Variants in NKAIN2 observed in about 807,000 individuals in gnomAD.
NKAIN2 encodes the protein sodium/potassium-transporting ATPase subunit beta-1-interacting protein 2.
Under a neutral mutation model 32.6 loss-of-function variants are expected in NKAIN2, and 14 were observed. The observed-to-expected ratio is 0.43, with a 90% CI of 0.28 to 0.67. The LOEUF is 0.67. NKAIN2 is among the 30% of genes least tolerant of loss of function. NKAIN2 has a pLI of 0.17. For synonymous variants in NKAIN2, 80 were observed against 87.2 expected (o/e 0.92, Z 0.46); for missense variants, 198 against 258.3 (o/e 0.77, Z 1.60).
chr6:123,811,729 G>A (rs768032634), intron 1 of NKAIN2, among the ~76,000 whole-genome samples: 2 of 152,006 alleles, frequency 1.3e-5, no homozygotes, highest in East Asian at 3.9e-4. Flanking sequence ...CATCTAGTGA[G>A]CCCAGGAGTA....
chr6:124,297,642 G>T (rs1285509329), intron 2 of NKAIN2, among the ~76,000 whole-genome samples: 1 of 151,928 alleles, frequency 6.6e-6, no homozygotes, highest in Non-Finnish European at 1.5e-5. Flanking sequence ...GCTGGTGAAG[G>T]ATTCACATGC....
At chr6:124,145,001 C>G (rs966591503) in intron 1 of NKAIN2, among the ~76,000 whole-genome samples, 1 of 152,038 alleles carries the variant, frequency 6.6e-6, no homozygotes, top group Admixed American at 6.5e-5. Flanking sequence ...GACAATATTC[C>G]GATGTCAGAG....
intron 1 of NKAIN2, among the ~76,000 whole-genome samples, chr6:123,817,138 T>C (rs891668413): frequency 6.6e-6 from 1 of 151,980 alleles, no homozygotes; most frequent in African/African-American, 2.4e-5. Context: ...TTTGGAGGAA[T>C]AGAAATGTTT....
At chr6:124,231,639 G>A (rs1442511759) in intron 1 of NKAIN2, among the ~76,000 whole-genome samples, 1 of 152,042 alleles carries the variant, frequency 6.6e-6, no homozygotes, top group Admixed American at 6.6e-5. Flanking sequence ...TTAAAAATGG[G>A]AGTTTCCCTG....
At chr6:124,639,805 G>A (rs925390265) in intron 3 of NKAIN2, among the ~76,000 whole-genome samples, 1 of 152,094 alleles carries the variant, frequency 6.6e-6, no homozygotes, top group African/African-American at 2.4e-5. Flanking sequence ...GGAGAGTAGA[G>A]TTGCAATTAT....
chr6:124,234,020 A>C (rs802308), intron 1 of NKAIN2, among the ~76,000 whole-genome samples: 106,792 of 152,026 alleles, frequency 0.7, 37,672 homozygotes, highest in South Asian at 0.76. Flanking sequence ...CCTTCTTCAA[A>C]ATTATCCTGA....
intron 1 of NKAIN2, among the ~76,000 whole-genome samples, chr6:124,229,771 C>T (rs1243850355): frequency 6.6e-6 from 1 of 152,092 alleles, no homozygotes; most frequent in Non-Finnish European, 1.5e-5. Context: ...CCATGTAAAA[C>T]TTGACTTGCT....
At position 124,751,810 on chromosome 6, in the gene NKAIN2, C is replaced by CTCAA. The variant is rs1263142145; in HGVS notation, c.475-39527_475-39524dup. Reference sequence around the variant, plus strand: ...CCTGGGTAACATAGTGAGACCCCATCTCAATAAATAAATAAATAAATAAAT... The same window carrying CTCAA: ...CCTGGGTAACATAGTGAGACCCCATCTCAATCAATAAATAAATAAATAAATAAAT... On this transcript the variant is annotated intron_variant, in intron 4 of 6. Coordinates refer to ENST00000368417, the MANE Select transcript of NKAIN2 (RefSeq NM_001040214.3). 7.9e-5 allele frequency among the ~76,000 whole-genome samples: 6 copies of CTCAA among 76,272 alleles called. No homozygotes were observed. The South Asian group carries it at 1.7e-3, about 21-fold the overall frequency. 50.0% of individuals were successfully genotyped at this position (76,272 alleles called of 152,430 possible).
At chr6:124,126,940 C>A (rs1189550345) in intron 1 of NKAIN2, among the ~76,000 whole-genome samples, 2 of 151,982 alleles carry the variant, frequency 1.3e-5, no homozygotes, top group Non-Finnish European at 2.9e-5. Flanking sequence ...CAGAATGAGA[C>A]CCTGTCTCAA....
intron 4 of NKAIN2, among the ~76,000 whole-genome samples, chr6:124,779,251 G>T (rs1329362529): frequency 5.1e-5 from 1 of 19,560 alleles, no homozygotes; most frequent in African/African-American, 9.6e-5. Context: ...CAAAGAAAGA[G>T]AGAGAGAGAG....
intron 1 of NKAIN2, among the ~76,000 whole-genome samples, chr6:124,272,717 C>T (rs1410653960): frequency 4.6e-5 from 7 of 152,182 alleles, no homozygotes; most frequent in Non-Finnish European, 1.0e-4. Flanking sequence ...CTGGAAAAGC[C>T]ACAGGCGCTC....
intron 5 of NKAIN2, among the ~76,000 whole-genome samples, chr6:124,805,657 G>A (rs1195023559): frequency 2.0e-5 from 3 of 152,220 alleles, no homozygotes; most frequent in Non-Finnish European, 2.9e-5. Flanking sequence ...ACTTTGACGA[G>A]TTGAGAGAAG....
chr6:124,790,736 G>A (rs763416168), intron 4 of NKAIN2, among the ~76,000 whole-genome samples: 1 of 151,984 alleles, frequency 6.6e-6, no homozygotes, highest in Non-Finnish European at 1.5e-5. Context: ...CAGAAAAGAC[G>A]ATGCGACGTG....
intron 2 of NKAIN2, among the ~76,000 whole-genome samples, chr6:124,330,751 G>T (rs767611405): frequency 7.2e-5 from 11 of 152,186 alleles, no homozygotes; most frequent in African/African-American, 2.7e-4. Flanking sequence ...TGGCTTGTTA[G>T]AAATTGGGCC....
intron 1 of NKAIN2, among the ~76,000 whole-genome samples, chr6:124,145,310 C>T (rs1787346245): frequency 6.6e-6 from 1 of 152,080 alleles, no homozygotes; most frequent in African/African-American, 2.4e-5. Flanking sequence ...GAAAACCATG[C>T]ACAAAAAATG....
chr6:123,951,622 G>A (rs745569783), intron 1 of NKAIN2, among the ~76,000 whole-genome samples: 13 of 151,352 alleles, frequency 8.6e-5, no homozygotes, highest in East Asian at 1.9e-4. Context: ...TCTTCCATCC[G>A]TTTACTTTCA....
intron 3 of NKAIN2, among the ~76,000 whole-genome samples, chr6:124,563,431 T>G (rs1348631945): frequency 2.0e-5 from 3 of 152,236 alleles, no homozygotes; most frequent in Non-Finnish European, 4.4e-5. Context: ...AAATGTCCGC[T>G]GCTACTGTCA....
At chr6:124,158,824 G>C (rs1788122336) in intron 1 of NKAIN2, among the ~76,000 whole-genome samples, 1 of 151,958 alleles carries the variant, frequency 6.6e-6, no homozygotes, top group African/African-American at 2.4e-5. Flanking sequence ...TAGCCCATCA[G>C]ATACAATTGT....
chr6:123,817,468 G>A (rs1773741532), intron 1 of NKAIN2, among the ~76,000 whole-genome samples: 1 of 152,164 alleles, frequency 6.6e-6, no homozygotes, highest in African/African-American at 2.4e-5. Flanking sequence ...ACTTTCTTCA[G>A]AAAGAGTTTG....
Sources: gnomAD v4.1 joint callset for allele counts (sites outside exome capture counted in the v4.1 genomes callset) on GRCh38, gnomAD v4.1.1 for gene constraint, MANE v1.5 for transcripts, NCBI Gene and HGNC (gene_info 2026-07-23, HGNC 2026-07-21) for gene names.